The following TGS1 variants were observed in gnomAD, a reference collection of about 807,000 sequenced individuals.
TGS1 encodes the protein trimethylguanosine synthase.
TGS1 carries 69 observed loss-of-function variants against 92.2 expected under a neutral mutation model. The ratio of observed to expected loss-of-function variants is 0.75; its 90% CI spans 0.62 to 0.91. The LOEUF is 0.91. Among genes scored for constraint, TGS1 ranks in the 40% least tolerant of loss-of-function variants. TGS1 has a pLI of 0.00. For missense variants in TGS1, 1,062 were observed against 1,001.2 expected (o/e 1.06, Z -0.82); for synonymous variants, 345 against 338.1 (o/e 1.02, Z -0.22).
intron 10 of TGS1, among the ~76,000 whole-genome samples, chr8:55,807,657 A>T (rs1803209822): frequency 6.6e-6 from 1 of 152,052 alleles, no homozygotes; most frequent in South Asian, 2.1e-4. Flanking sequence ...CCTCCCAAGT[A>T]GCTGAGACTA....
intron 1 of TGS1, among the ~76,000 whole-genome samples, chr8:55,774,352 C>T (rs1043125189): frequency 2.0e-5 from 3 of 151,924 alleles, no homozygotes; most frequent in Non-Finnish European, 4.4e-5. Flanking sequence ...TTTTTTTCAT[C>T]TCTATAACGG....
At chr8:55,797,694 C>T (rs1812097905) in intron 7 of TGS1, among the ~76,000 whole-genome samples, 1 of 152,150 alleles carries the variant, frequency 6.6e-6, no homozygotes. Flanking sequence ...AATTACCTTT[C>T]TATATTCTAA....
At chr8:55,779,264 A>G (rs551218580) in intron 1 of TGS1, among the ~76,000 whole-genome samples, 1 of 152,354 alleles carries the variant, frequency 6.6e-6, no homozygotes, top group Admixed American at 6.5e-5. Context: ...GCTCTTGGAG[A>G]TACTTGAAAG....
At chr8:55,780,160 C>CTTT (rs56871302) in intron 1 of TGS1, among the ~76,000 whole-genome samples, 13 of 130,950 alleles carry the variant, frequency 9.9e-5, no homozygotes, top group Non-Finnish European at 1.5e-4. Flanking sequence ...TCTGGCATGG[C>CTTT]TTTTTTTTTT....
chr8:55,796,532 T>G (rs992992495), intron 7 of TGS1, among the ~76,000 whole-genome samples: 8 of 149,974 alleles, frequency 5.3e-5, no homozygotes, highest in Non-Finnish European at 1.2e-4. Flanking sequence ...CTACTAAAAA[T>G]ACAAAATTAG....
At chr8:55,777,908 T>TAA (rs1563448324) in intron 1 of TGS1, among the ~76,000 whole-genome samples, 2 of 152,102 alleles carry the variant, frequency 1.3e-5, no homozygotes, top group Non-Finnish European at 2.9e-5. Context: ...TTAAATTTTT[T>TAA]TTTTTTTTAA....
intron 2 of TGS1, 40 bp from the exon 3 acceptor site, chr8:55,785,679 A>C: frequency 7.1e-7 from 1 of 1,411,570 alleles, no homozygotes; most frequent in Non-Finnish European, 9.4e-7. Flanking sequence ...CCTGCCTCTT[A>C]AGTTTTCCTT....
At position 55,826,140 on chromosome 8, in the gene TGS1, G is replaced by A. The variant is rs951202430; in HGVS notation, c.*1437G>A. Among the ~76,000 whole-genome samples the A allele has an allele frequency of 6.6e-6, 1 of 152,064 alleles. No homozygotes were observed. The highest frequency in any genetic ancestry group is 1.5e-5 in the Non-Finnish European group (1 of 68,004). The stretch of plus-strand genomic sequence containing the variant: ...TCTGGGATTACAGGCGTGAGCCACC[G>A]CGCCTGGCTTTATGTAGCATTCTTA... On this transcript the variant is annotated 3_prime_UTR_variant, in exon 13 of 13. Transcript: ENST00000260129.
In TGS1 at chr8:55,802,461, A is replaced by G. The variant is rs1812243953; in HGVS notation, c.1854A>G (p.Glu618=). Residue 618 remains glutamate (E), a synonymous_variant, in exon 9 of 13, where the codon GAA becomes GAG. Coordinates refer to ENST00000260129, the MANE Select transcript of TGS1 (RefSeq NM_024831.8). Reference sequence around the variant, plus strand: ...ATTCTTTGTATTTTATTTTAGCTGAAGTGAAAAAGAAGAAGAACAAGAAGA... The same window carrying G: ...ATTCTTTGTATTTTATTTTAGCTGAGGTGAAAAAGAAGAAGAACAAGAAGA... ...PDSRQAETEA[E]VKKKKNKKKN... 6 of 1,612,648 alleles carry G rather than the reference A, an allele frequency of 3.7e-6. No homozygotes were observed. The highest frequency in any genetic ancestry group is 5.1e-6 in the Non-Finnish European group (6 of 1,179,364).
At chr8:55,811,174 TGTGG>T in intron 11 of TGS1, 77 bp downstream of exon 11, 3 of 259,988 alleles carry the variant, frequency 1.2e-5, no homozygotes, top group East Asian at 8.4e-5. Context: ...AGAGAGGGAG[TGTGG>T]GTGGGTGGGC....
chr8:55,809,710 C>T (rs1308616363), intron 10 of TGS1, among the ~76,000 whole-genome samples: 1 of 152,228 alleles, frequency 6.6e-6, no homozygotes, highest in Admixed American at 6.5e-5. Context: ...GCTGGGATTA[C>T]AGGCATGAGC....
intron 10 of TGS1, among the ~76,000 whole-genome samples, chr8:55,806,663 A>G (rs1812382038): frequency 1.3e-5 from 2 of 152,116 alleles, no homozygotes; most frequent in African/African-American, 4.8e-5. Context: ...AGGGCCAACT[A>G]TATGTATTAA....
chr8:55,809,944 A>G (rs1803295373), intron 10 of TGS1, among the ~76,000 whole-genome samples: 1 of 152,196 alleles, frequency 6.6e-6, no homozygotes, highest in Non-Finnish European at 1.5e-5. Flanking sequence ...AACTGAAAAG[A>G]ATTTTTTCTC....
At position 55,799,110 on chromosome 8, in the gene TGS1, G is replaced by T. The variant is rs1277553188; in HGVS notation, c.1739G>T (p.Gly580Val). Residue 580 changes from glycine (G) to valine (V), a missense_variant, in exon 8 of 13, where the codon GGT becomes GTT. Physicochemically the swap from Gly to Val is moderately radical, Grantham distance 109 (BLOSUM62 -3). Transcript: ENST00000260129. ...AAGTGTCAGAGCGTATCTTCAGCTG[G>T]TGAACTTGAAACAGAAAACTATGAA... The part of the protein sequence containing the change: ...PEKCQSVSSA[G>V]ELETENYERD... The T allele has an allele frequency of 1.9e-6, 3 of 1,614,026 alleles. No homozygotes were observed. In the African/African-American group the frequency reaches 4.0e-5, roughly 22 times the overall value.
rs762888966 is a variant in TGS1 at position 55,798,898 on chromosome 8, C to T, written c.1543-16C>T. On this transcript the variant is annotated splice_polypyrimidine_tract_variant and intron_variant, in intron 7 of 12. Coordinates refer to ENST00000260129, the MANE Select transcript of TGS1 (RefSeq NM_024831.8). ...TGGAATTAATTCCTGCTCATGATGT[C>T]ATCTTAAAATTTAAGGTAGAAAAAT... 7 of 1,572,198 alleles carry T rather than the reference C, an allele frequency of 4.5e-6. No homozygotes were observed. The African/African-American group carries it at 9.5e-5, about 21-fold the overall frequency.
chr8:55,814,674 A>AAT (rs1040682059), intron 12 of TGS1, among the ~76,000 whole-genome samples: 2,044 of 123,222 alleles, frequency 0.017, 51 homozygotes, highest in African/African-American at 0.043. Context: ...AAAAAAAAAA[A>AAT]ATATATATAT....
chr8:55,797,544 A>C (rs1364161618), intron 7 of TGS1, among the ~76,000 whole-genome samples: 1 of 152,224 alleles, frequency 6.6e-6, no homozygotes, highest in Non-Finnish European at 1.5e-5. Context: ...CCTTGTAACA[A>C]GTTCACCCTG....
Position 55,802,588 on chromosome 8 carries a change from G to A in TGS1, c.1981G>A (p.Gly661Arg). 3 of 1,612,718 alleles carry A rather than the reference G, an allele frequency of 1.9e-6. No homozygotes were observed. Among genetic ancestry groups the A allele is most frequent in the African/African-American group, 1.3e-5 (1 of 74,928 alleles). Residue 661 changes from glycine to arginine, a missense_variant, in exon 9 of 13, where the codon GGG becomes AGG. Transcript: ENST00000260129. ...CAGGCTCTTCTCCCGTTTTGATGAT[G>A]GGATTAAGTTGGACAGAGGTAAAGT... ...RYRLFSRFDD[G>R]IKLDREGWFS... is the part of the protein sequence containing the mutation.
Position 55,795,364 on chromosome 8 carries a change from T to G in TGS1, c.1368-614T>G, listed in dbSNP as rs1368946681. Among the ~76,000 whole-genome samples, 5 of 152,200 alleles carry G rather than the reference T, an allele frequency of 3.3e-5. No homozygotes were observed. The East Asian group carries it at 9.6e-4, about 29-fold the overall frequency. On this transcript the variant is annotated intron_variant, in intron 6 of 12. Transcript: ENST00000260129. Reference sequence around the variant, plus strand: ...TATTTAAACCCAGACTATTCTGGATTTTATAAATGCTAAAGTGTACGTGAC... The same window carrying G: ...TATTTAAACCCAGACTATTCTGGATGTTATAAATGCTAAAGTGTACGTGAC...
Sources: allele counts gnomAD v4.1 joint callset (sites outside exome capture counted in the v4.1 genomes callset), GRCh38; gene constraint gnomAD v4.1.1; transcripts MANE v1.5; gene names NCBI Gene and HGNC (gene_info 2026-07-23, HGNC 2026-07-21).